The following HK2 variants were observed in gnomAD, a reference collection of about 807,000 sequenced individuals.
The protein encoded by HK2 is hexokinase-2.
A neutral mutation model predicts 92.9 loss-of-function variants in HK2; 42 were observed. The observed-to-expected ratio is 0.45, with a 90% CI of 0.35 to 0.58. The LOEUF is 0.58. Among genes scored for constraint, HK2 ranks in the 20% least tolerant of loss-of-function variants. HK2 has a pLI of 0.00. For synonymous variants in HK2, 422 were observed against 468.0 expected (o/e 0.90, Z 1.27); for missense variants, 978 against 1,245.1 (o/e 0.79, Z 3.23).
intron 2 of HK2, among the ~76,000 whole-genome samples, chr2:74,862,871 A>C (rs995943105): frequency 6.6e-6 from 1 of 152,024 alleles, no homozygotes; most frequent in Non-Finnish European, 1.5e-5. Context: ...TTGTGGAGGG[A>C]GGTGCTGACT....
intron 1 of HK2, among the ~76,000 whole-genome samples, chr2:74,837,312 C>T (rs1688190815): frequency 6.6e-6 from 1 of 152,236 alleles, no homozygotes. Flanking sequence ...TGAGCGGGCT[C>T]CTGGCCCGGG....
intron 1 of HK2, among the ~76,000 whole-genome samples, chr2:74,837,428 TC>T (rs1290147898): frequency 6.6e-6 from 1 of 152,216 alleles, no homozygotes; most frequent in Non-Finnish European, 1.5e-5. Flanking sequence ...CTCTGGCTAC[TC>T]CAGCTGAGAG....
chr2:74,860,188 G>A (rs896048056), intron 2 of HK2, among the ~76,000 whole-genome samples: 2 of 130,936 alleles, frequency 1.5e-5, no homozygotes, highest in Non-Finnish European at 3.2e-5. Context: ...AGGGTGGGGG[G>A]CATGAGGGTA....
Position 74,885,605 on chromosome 2 carries a change from C to T in HK2, c.1935+16C>T. 6.5e-7 allele frequency: 1 copy of T among 1,538,200 alleles called. No homozygotes were observed. Among genetic ancestry groups the T allele is most frequent in the Non-Finnish European group, 9.0e-7 (1 of 1,110,560 alleles). ...CCGGCGAGAGGTAGGAGACACATGG[C>T]ACGAGGTCTGATGTGTCAGCTCCTC... is the stretch of plus-strand genomic sequence containing the variant. On this transcript the variant is annotated intron_variant, in intron 13 of 17. Coordinates refer to ENST00000290573, the MANE Select transcript of HK2 (RefSeq NM_000189.5).
chr2:74,882,605 T>TTTATATATATATATATA (rs1553449959), intron 12 of HK2, among the ~76,000 whole-genome samples: 2 of 75,738 alleles, frequency 2.6e-5, no homozygotes, highest in South Asian at 5.0e-4. Flanking sequence ...TCTATTGAAC[T>TTTATATATATATATATA]TATATATATA....
chr2:74,859,676 G>A (rs1049292346), intron 2 of HK2, among the ~76,000 whole-genome samples: 2 of 152,164 alleles, frequency 1.3e-5, no homozygotes, highest in Non-Finnish European at 2.9e-5. Flanking sequence ...AAATACACCT[G>A]TTTAATACAA....
chr2:74,864,231 T>TAAGATC, intron 2 of HK2, among the ~76,000 whole-genome samples: 1 of 152,332 alleles, frequency 6.6e-6, no homozygotes, highest in Middle Eastern at 3.4e-3. Context: ...CTGACCTTCT[T>TAAGATC]AAGAACGAAA....
At chr2:74,876,737 G>C (rs1295373156) in intron 7 of HK2, among the ~76,000 whole-genome samples, 1 of 152,182 alleles carries the variant, frequency 6.6e-6, no homozygotes, top group Non-Finnish European at 1.5e-5. Context: ...GAGCTGATGA[G>C]TTTCTAGGCC....
chr2:74,856,324 C>T (rs1688695164), intron 2 of HK2, among the ~76,000 whole-genome samples: 1 of 152,200 alleles, frequency 6.6e-6, no homozygotes, highest in African/African-American at 2.4e-5. Context: ...GCCTTGGGAC[C>T]CAGCCTGGAC....
In HK2 at chr2:74,859,857, A is replaced by G. The variant is rs1192105329; in HGVS notation, c.226+5402A>G. ...CAAAGGAAAAGAAATCATACCAAAA[A>G]GATGCCTGCACTTGTATGTTTATCA... On this transcript the variant is annotated intron_variant, in intron 2 of 17. Transcript: ENST00000290573. Among the ~76,000 whole-genome samples the G allele has an allele frequency of 3.9e-5, 6 of 152,338 alleles. No individual in the cohort carries two copies. The East Asian group carries it at 1.2e-3, about 29-fold the overall frequency.
chr2:74,889,229 C>T lies in HK2; in HGVS notation c.2376-16C>T, dbSNP rs372156559. 3.4e-4 allele frequency: 541 copies of T among 1,603,074 alleles called. 6 individuals carry two copies. The highest frequency in any genetic ancestry group is 2.5e-4 in the Admixed American group (15 of 59,132). ...TGGTGCATGACTGAACACTTGCTGT[C>T]TCCCTCCCACCCCAGTGACTGCCTG... On this transcript the variant is annotated splice_polypyrimidine_tract_variant and intron_variant, in intron 16 of 17. Coordinates refer to ENST00000290573, the MANE Select transcript of HK2 (RefSeq NM_000189.5).
At chr2:74,853,157 G>A (rs1475214990) in intron 1 of HK2, among the ~76,000 whole-genome samples, 3 of 152,118 alleles carry the variant, frequency 2.0e-5, no homozygotes, top group Non-Finnish European at 1.5e-5. Flanking sequence ...GGATGGGCAA[G>A]TTGGGGAAGT....
intron 3 of HK2, among the ~76,000 whole-genome samples, chr2:74,871,166 TA>T (rs1689089167): frequency 1.3e-5 from 2 of 152,216 alleles, no homozygotes; most frequent in African/African-American, 4.8e-5. Context: ...GTTTCTGCTA[TA>T]GTCGGTCTGT....
intron 9 of HK2, 86 bp downstream of exon 9, chr2:74,879,007 T>G (rs1689314156): frequency 8.5e-7 from 1 of 1,177,820 alleles, no homozygotes; most frequent in South Asian, 1.3e-5. Flanking sequence ...CATTTTGCAT[T>G]TCAGGGGTGG....
At chr2:74,872,240 G>A in intron 3 of HK2, 60 bp from the exon 4 acceptor site, 1 of 1,588,262 alleles carries the variant, frequency 6.3e-7, no homozygotes, top group Non-Finnish European at 8.6e-7. Context: ...TGAAGTGCAT[G>A]CCCTTAATCT....
chr2:74,865,273 A>G (rs1688918578), intron 2 of HK2, among the ~76,000 whole-genome samples: 1 of 151,930 alleles, frequency 6.6e-6, no homozygotes, highest in Admixed American at 6.5e-5. Context: ...GTTCATCAGC[A>G]ATACTTTATT....
At chr2:74,872,814 A>G (rs1181473687) in intron 4 of HK2, among the ~76,000 whole-genome samples, 1 of 152,202 alleles carries the variant, frequency 6.6e-6, no homozygotes, top group South Asian at 2.1e-4. Context: ...ATGCTTTATT[A>G]GGTGATTTCA....
chr2:74,890,945 C>A lies in HK2; in HGVS notation c.*4C>A. ...CCGTGAGGCTGGACAGCGATAGAACCCCTGAAATCGGAAGGGACTTCCTCT... is the reference window on the plus strand; with the variant it reads ...CCGTGAGGCTGGACAGCGATAGAACACCTGAAATCGGAAGGGACTTCCTCT... On this transcript the variant is annotated 3_prime_UTR_variant, in exon 18 of 18. Transcript: ENST00000290573. 3 of 1,614,060 alleles carry A rather than the reference C, an allele frequency of 1.9e-6. No individual in the cohort carries two copies. Among genetic ancestry groups the A allele is most frequent in the Non-Finnish European group, 8.5e-7 (1 of 1,179,998 alleles).
intron 3 of HK2, among the ~76,000 whole-genome samples, chr2:74,868,091 G>A (rs988500264): frequency 3.3e-5 from 5 of 152,310 alleles, no homozygotes; most frequent in African/African-American, 9.6e-5. Flanking sequence ...CCTCTGATTC[G>A]TGGTCGGCTG....
Sources: allele counts gnomAD v4.1 joint callset (sites outside exome capture counted in the v4.1 genomes callset), GRCh38; gene constraint gnomAD v4.1.1; transcripts MANE v1.5; gene names NCBI Gene and HGNC (gene_info 2026-07-23, HGNC 2026-07-21).